DMD: variants seen among roughly 807,000 people sequenced by gnomAD.
DMD encodes mutant dystrophin.
A neutral mutation model predicts 330.1 loss-of-function variants in DMD; 63 were observed. That is an observed-to-expected ratio of 0.19 (90% CI 0.16 to 0.24). The LOEUF (loss-of-function observed/expected upper bound fraction) is 0.24, where lower values mean the gene tolerates loss of function less well. DMD is among the 10% of genes least tolerant of loss of function. DMD has a pLI of 1.00. For synonymous variants in DMD, 1,223 were observed against 959.8 expected, an observed-to-expected ratio of 1.27 and a Z score of -5.07; for missense variants, 3,344 against 2,684.1, an observed-to-expected ratio of 1.25 and a Z score of -5.43.
chrX:31,876,758 G>A (rs1459377799), intron 47 of DMD, among the ~76,000 whole-genome samples: 2 of 109,904 alleles, frequency 1.8e-5, no homozygotes, highest in Non-Finnish European at 3.8e-5. Flanking sequence ...ATAAACAAGA[G>A]TAAAGCTATT....
At chrX:32,233,327 T>A (rs773667932) in intron 43 of DMD, among the ~76,000 whole-genome samples, 2 of 110,982 alleles carry the variant, frequency 1.8e-5, no homozygotes, top group African/African-American at 6.5e-5. Context: ...CTGATGCTGA[T>A]GTTACTGGGG....
chrX:32,812,873 A>G (rs1476462557), intron 6 of DMD, among the ~76,000 whole-genome samples: 2 of 111,877 alleles, frequency 1.8e-5, no homozygotes, highest in East Asian at 2.8e-4. Context: ...TTTTAAGTTC[A>G]CTATGCGCAC....
chrX:32,424,866 T>C (rs943587225), intron 29 of DMD, among the ~76,000 whole-genome samples: 3 of 110,529 alleles, frequency 2.7e-5, no homozygotes, highest in Non-Finnish European at 3.8e-5. Context: ...CTTGCAAATA[T>C]GAATATAGTT....
intron 1 of DMD, among the ~76,000 whole-genome samples, chrX:33,078,512 G>A (rs1603243106): frequency 8.9e-6 from 1 of 112,168 alleles, no homozygotes; most frequent in Non-Finnish European, 1.9e-5. Context: ...CTCGGTAAAA[G>A]TGGCAAATAG....
chrX:32,481,029 T>G (rs906534559), intron 21 of DMD, among the ~76,000 whole-genome samples: 1 of 110,601 alleles, frequency 9.0e-6, no homozygotes, highest in African/African-American at 3.3e-5. Flanking sequence ...GAACTGCAGC[T>G]AGAAGAGTTA....
At chrX:32,392,382 C>A (rs1603632388) in intron 30 of DMD, among the ~76,000 whole-genome samples, 1 of 111,734 alleles carries the variant, frequency 8.9e-6, no homozygotes, top group East Asian at 2.8e-4. Flanking sequence ...CCTCAGCCAA[C>A]CAAGTAGCTG....
chrX:31,692,210 T>C (rs1394994101), intron 52 of DMD, among the ~76,000 whole-genome samples: 1 of 111,789 alleles, frequency 8.9e-6, no homozygotes, highest in Non-Finnish European at 1.9e-5. Flanking sequence ...TTTAAAAGTC[T>C]TGAGACAAAC....
At chrX:32,967,002 T>G (rs1648343757) in intron 2 of DMD, among the ~76,000 whole-genome samples, 2 of 111,411 alleles carry the variant, frequency 1.8e-5, no homozygotes. Flanking sequence ...CACAGGCAGT[T>G]TAGGTTACAA....
chrX:31,495,669 T>C (rs1198706764), intron 57 of DMD, among the ~76,000 whole-genome samples: 5 of 112,024 alleles, frequency 4.5e-5, no homozygotes, highest in Non-Finnish European at 9.4e-5. Flanking sequence ...AGTACCAAAA[T>C]AGGAGACAAG....
intron 44 of DMD, among the ~76,000 whole-genome samples, chrX:32,075,374 T>C (rs2096335799): frequency 8.9e-6 from 1 of 112,293 alleles, no homozygotes; most frequent in Non-Finnish European, 1.9e-5. Context: ...ACAGTCACAA[T>C]TAACATACAG....
intron 5 of DMD, among the ~76,000 whole-genome samples, chrX:32,820,111 A>G (rs1031099622): frequency 2.2e-4 from 25 of 112,174 alleles, no homozygotes; most frequent in Admixed American, 9.5e-4. Context: ...ATTCCTTCTG[A>G]TATTCCTCAT....
chrX:32,487,322 C>T (rs1428189168), intron 20 of DMD, among the ~76,000 whole-genome samples: 1 of 111,296 alleles, frequency 9.0e-6, no homozygotes, highest in African/African-American at 3.3e-5. Context: ...ATTATCATGG[C>T]TGCTTACTTA....
intron 2 of DMD, among the ~76,000 whole-genome samples, chrX:32,881,652 G>A (rs2083953370): frequency 1.8e-5 from 2 of 112,083 alleles, no homozygotes; most frequent in South Asian, 7.5e-4. Flanking sequence ...TGCTTTAATG[G>A]AAATATAAGA....
intron 7 of DMD, among the ~76,000 whole-genome samples, chrX:32,704,969 T>C (rs1005804925): frequency 1.8e-5 from 2 of 112,385 alleles, no homozygotes; most frequent in African/African-American, 3.2e-5. Flanking sequence ...TAATATCATC[T>C]GATATCTAAA....
intron 7 of DMD, among the ~76,000 whole-genome samples, chrX:32,722,199 C>A (rs2066395997): frequency 9.1e-6 from 1 of 110,212 alleles, no homozygotes; most frequent in Non-Finnish European, 1.9e-5. Context: ...TAGATTTTCA[C>A]AGGGATTACA....
chrX:31,725,108 G>A (rs1281808236), intron 52 of DMD, among the ~76,000 whole-genome samples: 2 of 111,090 alleles, frequency 1.8e-5, no homozygotes, highest in African/African-American at 3.3e-5. Context: ...GATGTGCCTC[G>A]GGCTTTAAAA....
At chrX:32,807,122 T>TAAAAAAAAAAAAAAAAAAAAAAAAAAAA in intron 7 of DMD, among the ~76,000 whole-genome samples, 1 of 20,744 alleles carries the variant, frequency 4.8e-5, no homozygotes, top group African/African-American at 2.2e-4. Context: ...CGGAAACATT[T>TAAAAAAAAAAAAAAAAAAAAAAAAAAAA]AAAAAAAAAA....
At chrX:31,285,559 T>C (rs191230644) in intron 62 of DMD, among the ~76,000 whole-genome samples, 44 of 112,295 alleles carry the variant, frequency 3.9e-4, no homozygotes, top group Non-Finnish European at 7.7e-4. Context: ...GTTCACAGTC[T>C]TAAAATGAGG....
chrX:32,731,819 G>A (rs2067705143), intron 7 of DMD, among the ~76,000 whole-genome samples: 2 of 111,938 alleles, frequency 1.8e-5, no homozygotes, highest in South Asian at 7.4e-4. Context: ...GGAAGAAACA[G>A]AGCAGAAAAA....
Sources: allele counts gnomAD v4.1 joint callset (sites outside exome capture counted in the v4.1 genomes callset), GRCh38; gene constraint gnomAD v4.1.1; transcripts MANE v1.5; gene names NCBI Gene and HGNC (gene_info 2026-07-23, HGNC 2026-07-21).